The following OSBPL3 variants were observed in gnomAD, a reference collection of about 807,000 sequenced individuals.
OSBPL3 encodes the protein oxysterol-binding protein-related protein 3.
A neutral mutation model predicts 120.1 loss-of-function variants in OSBPL3; 65 were observed. The ratio of observed to expected loss-of-function variants is 0.54; its 90% CI spans 0.44 to 0.67. The LOEUF is 0.67. Among genes scored for constraint, OSBPL3 ranks in the 30% least tolerant of loss-of-function variants. OSBPL3 has a pLI of 0.00. For missense variants in OSBPL3, 1,004 were observed against 1,082.1 expected, an observed-to-expected ratio of 0.93 and a Z score of 1.01; for synonymous variants, 416 against 402.6, an observed-to-expected ratio of 1.03 and a Z score of -0.40.
intron 2 of OSBPL3, among the ~76,000 whole-genome samples, chr7:24,888,318 C>T (rs575463637): frequency 1.3e-5 from 2 of 152,106 alleles, no homozygotes; most frequent in Non-Finnish European, 2.9e-5. Flanking sequence ...TCATCCTTAC[C>T]ACAATGCTAT....
rs1378146244 is a variant in OSBPL3 at position 24,938,613 on chromosome 7, G to A, written c.-150+41273C>T. 1.3e-5 allele frequency among the ~76,000 whole-genome samples: 2 copies of A among 152,078 alleles called. No homozygotes were observed. The highest frequency in any genetic ancestry group is 2.9e-5 in the Non-Finnish European group (2 of 68,008). ...GGCCAGAAGAAGGAAAAGTTGAAGA[G>A]CAAAAGGGTATACCTCCCAGCTGAA... On this transcript the variant is annotated intron_variant, in intron 1 of 22. Transcript: ENST00000313367. The surrounding 1 kb of genome is among the most constrained non-coding windows in gnomAD (Gnocchi z 5.8).
Position 24,806,744 on chromosome 7 carries a change from T to C in OSBPL3, c.2444+32A>G. On this transcript the variant is annotated intron_variant, in intron 21 of 22. Transcript: ENST00000313367. The surrounding 1 kb of genome is among the most constrained non-coding windows in gnomAD (Gnocchi z 5.2). ...GACTTTTTGTAAAGGGTTTTACATC[T>C]CTGGAGAGAAAAATCTTTAAAAAAT... 6.2e-7 allele frequency: 1 copy of C among 1,609,168 alleles called. No homozygotes were observed. The highest frequency in any genetic ancestry group is 1.7e-4 in the Middle Eastern group (1 of 6,042).
At position 24,947,347 on chromosome 7, in the gene OSBPL3, C is replaced by T. The variant is rs1813846849; in HGVS notation, c.-150+32539G>A. Among the ~76,000 whole-genome samples the T allele has an allele frequency of 6.6e-6, 1 of 152,156 alleles. No homozygotes were observed. Among genetic ancestry groups the T allele is most frequent in the Non-Finnish European group, 1.5e-5 (1 of 68,022 alleles). On this transcript the variant is annotated intron_variant, in intron 1 of 22. Transcript: ENST00000313367. The surrounding 1 kb of genome is among the most constrained non-coding windows in gnomAD (Gnocchi z 4.4). ...CAGCTAGGAAATTCTCTGAATAAAG[C>T]TCTTCCAGGTAGAGTTCAATGGCTA...
intron 1 of OSBPL3, among the ~76,000 whole-genome samples, chr7:24,978,492 T>C (rs1034012521): frequency 1.3e-5 from 2 of 152,148 alleles, no homozygotes; most frequent in Non-Finnish European, 2.9e-5. Context: ...ATTTAAGTGC[T>C]ATGAGCAACA....
intron 1 of OSBPL3, chr7:24,917,991 G>T: frequency 1.4e-6 from 1 of 692,226 alleles, no homozygotes; most frequent in Non-Finnish European, 1.8e-6. Flanking sequence ...TGACGATCCT[G>T]TCTAGCTTTC....
In OSBPL3 at chr7:24,855,825, A is replaced by T. The variant is rs547863960; in HGVS notation, c.1028-3191T>A. On this transcript the variant is annotated intron_variant, in intron 10 of 22. Coordinates refer to ENST00000313367, the MANE Select transcript of OSBPL3 (RefSeq NM_015550.4). This position sits in a 1 kb window ranked among gnomAD's most constrained non-coding sequence, Gnocchi z 4.3. ...AAAAATAGAAGATTCAAATGAGTGC[A>T]TCACATCTATGGTTACCTGACAATA... Among the ~76,000 whole-genome samples, 7 of 152,236 alleles carry T rather than the reference A, an allele frequency of 4.6e-5. No homozygotes were observed. Among genetic ancestry groups the T allele is most frequent in the Non-Finnish European group, 8.8e-5 (6 of 68,038 alleles).
Position 24,805,476 on chromosome 7 carries a change from C to T in OSBPL3, c.2445-1039G>A, listed in dbSNP as rs1453438024. Among the ~76,000 whole-genome samples the T allele has an allele frequency of 6.6e-6, 1 of 152,052 alleles. No homozygotes were observed. Among genetic ancestry groups the T allele is most frequent in the Non-Finnish European group, 1.5e-5 (1 of 68,018 alleles). ...CATCACAGAAATTAACAATGCTTGC[C>T]ATTCTTTAAACACCACATACGTTAT... On this transcript the variant is annotated intron_variant, in intron 21 of 22. Transcript: ENST00000313367. The surrounding 1 kb of genome is among the most constrained non-coding windows in gnomAD (Gnocchi z 4.0).
intron 16 of OSBPL3, among the ~76,000 whole-genome samples, chr7:24,828,876 A>C (rs2128164391): frequency 6.6e-6 from 1 of 152,260 alleles, no homozygotes; most frequent in African/African-American, 2.4e-5. Flanking sequence ...TACATCCTAC[A>C]CCCAGCACAT....
intron 1 of OSBPL3, among the ~76,000 whole-genome samples, chr7:24,973,084 A>G (rs1817207227): frequency 6.6e-6 from 1 of 152,180 alleles, no homozygotes; most frequent in Non-Finnish European, 1.5e-5. Flanking sequence ...TCCTCTGCCA[A>G]TCCCACACTG....
intron 1 of OSBPL3, among the ~76,000 whole-genome samples, chr7:24,915,963 A>AG (rs759028696): frequency 1.4e-4 from 21 of 152,200 alleles, no homozygotes; most frequent in Non-Finnish European, 2.6e-4. Flanking sequence ...AGGGATACCC[A>AG]GGGGAAATTA....
chr7:24,842,488 G>A, intron 12 of OSBPL3, 75 bp from the exon 13 acceptor site: 1 of 1,163,720 alleles, frequency 8.6e-7, no homozygotes, highest in East Asian at 2.3e-5. Context: ...TGATTTAGTT[G>A]TACAATACAC....
chr7:24,934,210 G>A (rs1161497833), intron 1 of OSBPL3, among the ~76,000 whole-genome samples: 2 of 152,196 alleles, frequency 1.3e-5, no homozygotes, highest in African/African-American at 4.8e-5. Flanking sequence ...GATATGGCAT[G>A]TTCAACACTG....
At chr7:24,886,245 TA>T (rs200139390) in intron 2 of OSBPL3, among the ~76,000 whole-genome samples, 13 of 152,026 alleles carry the variant, frequency 8.6e-5, no homozygotes, top group African/African-American at 2.7e-4. Context: ...CAGAATGTGT[TA>T]AAAAAAACAT....
At position 24,936,333 on chromosome 7, in the gene OSBPL3, A is replaced by G. The variant is rs1299237179; in HGVS notation, c.-150+43553T>C. ...CCACAAACATGAATACGTTCTTTCA[A>G]TATAACCTTTAATGACCACAGACTA... On this transcript the variant is annotated intron_variant, in intron 1 of 22. Coordinates refer to ENST00000313367, the MANE Select transcript of OSBPL3 (RefSeq NM_015550.4). This position sits in a 1 kb window ranked among gnomAD's most constrained non-coding sequence, Gnocchi z 4.2. Among the ~76,000 whole-genome samples, 1 of 152,224 alleles carries G rather than the reference A, an allele frequency of 6.6e-6. No individual in the cohort carries two copies. The highest frequency in any genetic ancestry group is 1.9e-4 in the East Asian group (1 of 5,204).
In OSBPL3 at chr7:24,876,979, G is replaced by A. The variant is rs1015035319; in HGVS notation, c.97-4910C>T. Among the ~76,000 whole-genome samples, 21 of 152,212 alleles carry A rather than the reference G, an allele frequency of 1.4e-4. No homozygotes were observed. The South Asian group carries it at 4.4e-3, about 32-fold the overall frequency. On this transcript the variant is annotated intron_variant, in intron 2 of 22. Coordinates refer to ENST00000313367, the MANE Select transcript of OSBPL3 (RefSeq NM_015550.4). ...ACTTACATGATCATGTTTAATTCCT[G>A]CACAACCTTTGAGATTGGATTTATT... is the stretch of plus-strand genomic sequence containing the variant.
intron 12 of OSBPL3, among the ~76,000 whole-genome samples, chr7:24,843,259 C>T (rs1051816771): frequency 6.6e-6 from 1 of 152,096 alleles, no homozygotes; most frequent in Non-Finnish European, 1.5e-5. Flanking sequence ...AAAGTGCTGG[C>T]AAAGTGGAGA....
chr7:24,892,465 C>T lies in OSBPL3; in HGVS notation c.8G>A (p.Ser3Asn), dbSNP rs1554396240. ...GGACACACCAAGGTTCTTCTCATCA[C>T]TCATCATGGACAGCAAGTCACTTGG... MMSDEKNLGVSQK... is the reference protein window; with the variant it reads MMNDEKNLGVSQK... The change falls in exon 2 of 23, where the codon AGT (serine) becomes AAT (asparagine). Residue 3 changes from serine (S) to asparagine (N), a missense_variant. Physicochemically the swap from Ser to Asn is conservative, Grantham distance 46. Coordinates refer to ENST00000313367, the MANE Select transcript of OSBPL3 (RefSeq NM_015550.4). 3.1e-6 allele frequency: 5 copies of T among 1,613,146 alleles called. No homozygotes were observed. In the African/African-American group the frequency reaches 4.0e-5, roughly 13 times the overall value.
At chr7:24,909,785 T>TTCTTTC (rs72287241) in intron 1 of OSBPL3, among the ~76,000 whole-genome samples, 1 of 61,696 alleles carries the variant, frequency 1.6e-5, no homozygotes, top group African/African-American at 8.0e-5. Flanking sequence ...TTTTCTTTCT[T>TTCTTTC]TTTTTTTTTT....
intron 2 of OSBPL3, among the ~76,000 whole-genome samples, chr7:24,878,259 A>G (rs1803120011): frequency 6.6e-6 from 1 of 152,252 alleles, no homozygotes; most frequent in African/African-American, 2.4e-5. Flanking sequence ...GATGTCAGAA[A>G]TAGAAAACGA....
Sources: gnomAD v4.1 joint callset for allele counts (sites outside exome capture counted in the v4.1 genomes callset) on GRCh38, gnomAD v4.1.1 for gene constraint, Gnocchi (gnomAD v3.1) non-coding constraint, MANE v1.5 for transcripts, NCBI Gene and HGNC (gene_info 2026-07-23, HGNC 2026-07-21) for gene names.